Variants in PCED1B observed in about 807,000 individuals in gnomAD.
The protein encoded by PCED1B is PC-esterase domain containing 1B.
For synonymous variants in PCED1B, 251 were observed against 246.1 expected, an observed-to-expected ratio of 1.02 and a Z score of -0.19; for missense variants, 573 against 573.9, an observed-to-expected ratio of 1.00 and a Z score of 0.02.
intron 1 of PCED1B, among the ~76,000 whole-genome samples, chr12:47,084,714 T>C (rs920602302): frequency 6.6e-6 from 1 of 152,244 alleles, no homozygotes; most frequent in Admixed American, 6.5e-5. Flanking sequence ...AATGTGGTTG[T>C]GGGGACCAAA....
chr12:47,173,167 A>G (rs1941806987), intron 2 of PCED1B, among the ~76,000 whole-genome samples: 1 of 152,230 alleles, frequency 6.6e-6, no homozygotes, highest in African/African-American at 2.4e-5. Context: ...GTAGAAGGAA[A>G]AAACCAACCA....
chr12:47,114,738 G>A (rs1939345201), intron 2 of PCED1B, among the ~76,000 whole-genome samples: 1 of 152,200 alleles, frequency 6.6e-6, no homozygotes, highest in African/African-American at 2.4e-5. Context: ...ACCAGAGACT[G>A]CCAACAACGT....
Position 47,236,200 on chromosome 12 carries a change from G to C in PCED1B, c.1137G>C (p.Leu379=). 1 of 1,614,106 alleles carries C rather than the reference G, an allele frequency of 6.2e-7. No individual in the cohort carries two copies. Among genetic ancestry groups the C allele is most frequent in the South Asian group, 1.1e-5 (1 of 91,080 alleles). The change falls in exon 4 of 4, where the codon CTG becomes CTC. Residue 379 remains leucine, a synonymous_variant. Coordinates refer to ENST00000546455, the MANE Select transcript of PCED1B (RefSeq NM_138371.3). ...VEDNFMVGPQ[L]PMPFFPTPRY... The stretch of plus-strand genomic sequence containing the variant: ...ACAATTTTATGGTTGGTCCTCAGCT[G>C]CCTATGCCCTTCTTCCCCACACCCC...
chr12:47,217,502 A>AAG (rs1491036234), intron 3 of PCED1B, among the ~76,000 whole-genome samples: 1 of 134,820 alleles, frequency 7.4e-6, no homozygotes, highest in Non-Finnish European at 1.6e-5. Context: ...GAAAGAAAGA[A>AAG]AGAAAGAAAG....
chr12:47,157,867 T>C lies in PCED1B; in HGVS notation c.-526+53672T>C, dbSNP rs186851269. ...TTTCTGTCTCTATGATTTTGACTTA[T>C]AAGTATCTCAAATAAATGGAATCAG... On this transcript the variant is annotated intron_variant, in intron 2 of 3. Transcript: ENST00000546455. Among the ~76,000 whole-genome samples, 266 of 152,314 alleles carry C rather than the reference T, an allele frequency of 1.7e-3. 1 individual carries two copies. The highest frequency in any genetic ancestry group is 6.3e-3 in the African/African-American group (260 of 41,580).
chr12:47,114,070 A>T (rs952371470), intron 2 of PCED1B, among the ~76,000 whole-genome samples: 1 of 152,164 alleles, frequency 6.6e-6, no homozygotes, highest in Non-Finnish European at 1.5e-5. Context: ...ATGGGAATCT[A>T]GGACTTAGAT....
intron 2 of PCED1B, among the ~76,000 whole-genome samples, chr12:47,105,628 CTG>C (rs1165876751): frequency 6.6e-6 from 1 of 152,110 alleles, no homozygotes; most frequent in Non-Finnish European, 1.5e-5. Flanking sequence ...GGGGTGGAAA[CTG>C]TTGCTCAAAA....
At chr12:47,140,257 T>C (rs1053977439) in intron 2 of PCED1B, among the ~76,000 whole-genome samples, 5 of 152,356 alleles carry the variant, frequency 3.3e-5, no homozygotes, top group African/African-American at 1.2e-4. Context: ...TGAAATCTAA[T>C]CTTTTTCAAC....
At chr12:47,159,109 A>T (rs1158702454) in intron 2 of PCED1B, among the ~76,000 whole-genome samples, 2 of 152,126 alleles carry the variant, frequency 1.3e-5, no homozygotes, top group Non-Finnish European at 2.9e-5. Flanking sequence ...GTATTCCATT[A>T]TGTATATATG....
Position 47,236,493 on chromosome 12 carries a change from T to C in PCED1B, c.*131T>C. ...GAGTCCATGCCTCGTCTTCCTTTTG[T>C]TCATTGCTGTTACCAAGAAAGCCAA... On this transcript the variant is annotated 3_prime_UTR_variant, in exon 4 of 4. Coordinates refer to ENST00000546455, the MANE Select transcript of PCED1B (RefSeq NM_138371.3). The C allele has an allele frequency of 1.1e-6, 1 of 943,376 alleles. No individual in the cohort carries two copies. The highest frequency in any genetic ancestry group is 1.5e-6 in the Non-Finnish European group (1 of 654,826). 58.4% of individuals were successfully genotyped at this position (943,376 alleles called of 1,614,324 possible).
chr12:47,183,534 C>T (rs563436308), intron 2 of PCED1B, among the ~76,000 whole-genome samples: 3 of 152,138 alleles, frequency 2.0e-5, no homozygotes, highest in South Asian at 4.2e-4. Context: ...ATAAAGAAAT[C>T]GATTTAACTT....
At chr12:47,095,599 T>C (rs545453265) in intron 1 of PCED1B, among the ~76,000 whole-genome samples, 1 of 152,300 alleles carries the variant, frequency 6.6e-6, no homozygotes, top group South Asian at 2.1e-4. Flanking sequence ...TTTTTTCTCT[T>C]CCTGCTTCAG....
chr12:47,089,461 C>CATATATATATATATATATATATATAT (rs1217283440), intron 1 of PCED1B, among the ~76,000 whole-genome samples: 6 of 63,390 alleles, frequency 9.5e-5, no homozygotes, highest in Admixed American at 2.7e-4. Flanking sequence ...AAAAAAAATA[C>CATATATATATATATATATATATATAT]ATATATATAT....
intron 2 of PCED1B, among the ~76,000 whole-genome samples, chr12:47,150,075 A>T (rs1246308727): frequency 6.6e-6 from 1 of 152,220 alleles, no homozygotes; most frequent in Non-Finnish European, 1.5e-5. Flanking sequence ...GTATCAAATC[A>T]TCATATTGTA....
At chr12:47,104,032 C>T (rs1006919602) in intron 1 of PCED1B, 81 bp from the exon 2 acceptor site, 2 of 152,102 alleles carry the variant, frequency 1.3e-5, no homozygotes, top group African/African-American at 4.8e-5. Context: ...AGACTATTTC[C>T]TTTTGTTTCA....
chr12:47,222,975 T>C (rs533017706), intron 3 of PCED1B, among the ~76,000 whole-genome samples: 2 of 152,168 alleles, frequency 1.3e-5, no homozygotes, highest in Non-Finnish European at 2.9e-5. Flanking sequence ...TTGGGGCAAA[T>C]AGGGACATAG....
intron 2 of PCED1B, among the ~76,000 whole-genome samples, chr12:47,174,852 C>G (rs1941872456): frequency 1.3e-5 from 2 of 152,138 alleles, no homozygotes; most frequent in Admixed American, 1.3e-4. Context: ...GAGCAAGTTA[C>G]TTAGCATCAC....
intron 2 of PCED1B, among the ~76,000 whole-genome samples, chr12:47,164,275 AT>A (rs1941476546): frequency 6.6e-6 from 1 of 151,894 alleles, no homozygotes; most frequent in African/African-American, 2.4e-5. Flanking sequence ...AGCCTGTGAA[AT>A]TTTTTTTTAA....
rs780152953 is a variant in PCED1B at position 47,235,847 on chromosome 12, G to T, written c.784G>T (p.Val262Leu). Residue 262 changes from valine (V) to leucine (L), a missense_variant, in exon 4 of 4, where the codon GTG (valine) becomes TTG (leucine). Coordinates refer to ENST00000546455, the MANE Select transcript of PCED1B (RefSeq NM_138371.3). ...TGTGGAGCTGCCCCACCGCCACCCC[G>T]TGGGCGAGTGGATCAAGAAGAAAAA... ...WGVELPHRHP[V>L]GEWIKKKKPG... 5 of 1,574,288 alleles carry T rather than the reference G, an allele frequency of 3.2e-6. No homozygotes were observed. In the South Asian group the frequency reaches 3.4e-5, roughly 11 times the overall value.
Sources: gnomAD v4.1 joint callset for allele counts (sites outside exome capture counted in the v4.1 genomes callset) on GRCh38, gnomAD v4.1.1 for gene constraint, MANE v1.5 for transcripts, NCBI Gene and HGNC (gene_info 2026-07-23, HGNC 2026-07-21) for gene names.